The following KIAA1217 variants were observed in gnomAD, a reference collection of about 807,000 sequenced individuals.
The protein encoded by KIAA1217 is KIAA1217, also known as sickle tail protein homolog.
Under a neutral mutation model 163.9 loss-of-function variants are expected in KIAA1217, and 88 were observed. The ratio of observed to expected loss-of-function variants is 0.54; its 90% CI spans 0.45 to 0.64. The LOEUF (loss-of-function observed/expected upper bound fraction) is 0.64. Ranked by LOEUF, KIAA1217 falls within the 30% of genes least tolerant of loss-of-function variation. The probability of loss-of-function intolerance (pLI) is 0.00; values close to 1 mark genes in which losing one functional copy is unlikely to be tolerated. For missense variants in KIAA1217, 2,372 were observed against 2,475.0 expected, an observed-to-expected ratio of 0.96 and a Z score of 0.88; for synonymous variants, 903 against 923.1, an observed-to-expected ratio of 0.98 and a Z score of 0.39.
In KIAA1217 at chr10:24,038,615, C is replaced by CT. The variant is rs1304815216; in HGVS notation, c.-171+31242dup. On this transcript the variant is annotated intron_variant, in intron 2 of 18. Coordinates refer to the KIAA1217 transcript ENST00000376462. ...CTATCCCCCTAAGGTGCAGTAGCAC[C>CT]TGGGAGGGCAGCCGAGGAAAATTGG... 5.9e-5 allele frequency among the ~76,000 whole-genome samples: 9 copies of CT among 152,276 alleles called. No individual in the cohort carries two copies. The East Asian group carries it at 1.7e-3, about 29-fold the overall frequency.
intron 1 of KIAA1217, among the ~76,000 whole-genome samples, chr10:23,836,408 T>C (rs1428551011): frequency 1.3e-5 from 2 of 151,708 alleles, no homozygotes; most frequent in Non-Finnish European, 2.9e-5. Context: ...AGGAGGACCA[T>C]GTGAAGACAC....
chr10:24,215,727 C>A (rs963956245), intron 1 of KIAA1217, among the ~76,000 whole-genome samples: 2 of 152,134 alleles, frequency 1.3e-5, no homozygotes, highest in South Asian at 4.1e-4. Context: ...TGAGCCTTGT[C>A]GAGGAAAAGG....
rs1353066752 is a variant in KIAA1217 at position 24,167,871 on chromosome 10, T to C, written c.-170-51755T>C. Among the ~76,000 whole-genome samples the C allele has an allele frequency of 3.3e-5, 5 of 152,178 alleles. No individual in the cohort carries two copies. The East Asian group carries it at 9.6e-4, about 29-fold the overall frequency. On this transcript the variant is annotated intron_variant, in intron 2 of 18. Transcript: ENST00000376462. ...TGGCAAAGTCCTTCATGTTATGTCA[T>C]CCAGTGGTGGAAGGAGCAAGTGAGT...
At position 24,353,413 on chromosome 10, in the gene KIAA1217, C is replaced by T. The variant is rs1268439094; in HGVS notation, c.355-27456C>T. On this transcript the variant is annotated intron_variant, in intron 2 of 20. Transcript: ENST00000376454. Reference sequence around the variant, plus strand: ...AGGAGGGGTGTTCCAGGAAGCTCCGCGGTACCTTTTATTTTATTTTACTTT... The same window carrying T: ...AGGAGGGGTGTTCCAGGAAGCTCCGTGGTACCTTTTATTTTATTTTACTTT... Among the ~76,000 whole-genome samples the T allele has an allele frequency of 3.3e-5, 5 of 151,890 alleles. No individual in the cohort carries two copies. The East Asian group carries it at 5.8e-4, about 18-fold the overall frequency.
At chr10:23,847,378 C>G (rs1180871907) in intron 1 of KIAA1217, among the ~76,000 whole-genome samples, 1 of 151,120 alleles carries the variant, frequency 6.6e-6, no homozygotes, top group African/African-American at 2.4e-5. Context: ...ACTTTTTAGG[C>G]TATTAATTAC....
intron 2 of KIAA1217, among the ~76,000 whole-genome samples, chr10:24,349,946 G>C (rs945018155): frequency 6.6e-6 from 1 of 152,166 alleles, no homozygotes; most frequent in Non-Finnish European, 1.5e-5. Context: ...GGGGAATGAC[G>C]TTGGATGGAG....
chr10:24,065,789 A>T (rs940558953), intron 2 of KIAA1217, among the ~76,000 whole-genome samples: 5 of 152,136 alleles, frequency 3.3e-5, no homozygotes, highest in African/African-American at 1.2e-4. Context: ...GTCTCTTTGT[A>T]GGTCACTAAG....
At chr10:24,101,179 T>C (rs1043702455) in intron 2 of KIAA1217, among the ~76,000 whole-genome samples, 3 of 152,204 alleles carry the variant, frequency 2.0e-5, no homozygotes, top group Admixed American at 2.0e-4. Context: ...AATACAGCCA[T>C]GGCTTGATGA....
At chr10:24,205,302 C>CAAAAAAAAAA (rs61292023), upstream of KIAA1217, among the ~76,000 whole-genome samples, 2 of 36,610 alleles carry the variant, frequency 5.5e-5, no homozygotes, top group Non-Finnish European at 1.1e-4. Context: ...ACTAAAAATA[C>CAAAAAAAAAA]AAAAAAAAAA....
intron 3 of KIAA1217, among the ~76,000 whole-genome samples, chr10:24,389,639 G>A (rs2054567380): frequency 6.6e-6 from 1 of 152,022 alleles, no homozygotes; most frequent in South Asian, 2.1e-4. Flanking sequence ...CCAGCGCCCT[G>A]GCCTAAGTAG....
At chr10:23,916,968 C>CAAAAAA (rs72049753) in intron 1 of KIAA1217, among the ~76,000 whole-genome samples, 27 of 80,054 alleles carry the variant, frequency 3.4e-4, no homozygotes, top group Admixed American at 7.2e-4. Flanking sequence ...GAGATTCTCT[C>CAAAAAA]AAAAAAAAAA....
intron 1 of KIAA1217, among the ~76,000 whole-genome samples, chr10:23,766,593 TC>T (rs201366310): frequency 0.01 from 1,481 of 143,684 alleles, 65 homozygotes; most frequent in African/African-American, 0.039. Context: ...CTTTCTTTTT[TC>T]TTTTTTTTTT....
At chr10:23,828,212 T>G (rs527493216) in intron 1 of KIAA1217, among the ~76,000 whole-genome samples, 2 of 152,250 alleles carry the variant, frequency 1.3e-5, no homozygotes, top group African/African-American at 4.8e-5. Context: ...CACAGAAGCC[T>G]TCTTGATTCC....
intron 1 of KIAA1217, among the ~76,000 whole-genome samples, chr10:23,805,996 C>CAAAAAA (rs71397917): frequency 8.3e-3 from 251 of 30,326 alleles, no homozygotes; most frequent in Non-Finnish European, 9.3e-3. Flanking sequence ...AACTCCATCT[C>CAAAAAA]AAAAAAAAAA....
At chr10:23,876,504 T>G (rs970785510) in intron 1 of KIAA1217, among the ~76,000 whole-genome samples, 1 of 147,036 alleles carries the variant, frequency 6.8e-6, no homozygotes, top group Non-Finnish European at 1.5e-5. Context: ...AAACAAAAAA[T>G]AAAAAAAAAA....
intron 1 of KIAA1217, among the ~76,000 whole-genome samples, chr10:23,921,427 A>G (rs564816039): frequency 1.3e-5 from 2 of 152,276 alleles, no homozygotes; most frequent in African/African-American, 4.8e-5. Flanking sequence ...TTAGCTTAAG[A>G]TTCCAGCACA....
intron 2 of KIAA1217, among the ~76,000 whole-genome samples, chr10:24,084,351 T>C (rs1008644631): frequency 9.9e-5 from 15 of 152,262 alleles, no homozygotes; most frequent in African/African-American, 3.6e-4. Flanking sequence ...TTTACATCTC[T>C]ATCCTCAGTA....
intron 1 of KIAA1217, among the ~76,000 whole-genome samples, chr10:23,888,659 CT>C (rs1400541113): frequency 4.6e-5 from 7 of 151,866 alleles, no homozygotes; most frequent in Non-Finnish European, 1.0e-4. Flanking sequence ...AGGTTTTGCA[CT>C]TTTGGCACCA....
chr10:24,182,426 A>G lies in KIAA1217; in HGVS notation c.-170-37200A>G, dbSNP rs1019688970. ...CACTGCACTCCAACCTGGATGACAG[A>G]GCAAGACTCCATCACACACACACAC... On this transcript the variant is annotated intron_variant, in intron 2 of 18. Transcript: ENST00000376462. 2.4e-5 allele frequency among the ~76,000 whole-genome samples: 3 copies of G among 127,602 alleles called. No individual in the cohort carries two copies. In the Admixed American group the frequency reaches 2.4e-4, roughly 10 times the overall value. 83.7% of individuals were successfully genotyped at this position (127,602 alleles called of 152,430 possible).
Sources: allele counts gnomAD v4.1 joint callset (sites outside exome capture counted in the v4.1 genomes callset), GRCh38; gene constraint gnomAD v4.1.1; transcripts MANE v1.5; gene names NCBI Gene and HGNC (gene_info 2026-07-23, HGNC 2026-07-21).